APBA1: variants seen among roughly 807,000 people sequenced by gnomAD.
APBA1 encodes amyloid beta precursor protein binding family A member 1, also known as amyloid-beta A4 precursor protein-binding family A member 1.
APBA1 carries 55 observed loss-of-function variants against 86.6 expected under a neutral mutation model. The ratio of observed to expected loss-of-function variants is 0.64; its 90% CI spans 0.51 to 0.80. The LOEUF (loss-of-function observed/expected upper bound fraction) is 0.80, where lower values mean the gene tolerates loss of function less well. Ranked by LOEUF, APBA1 falls within the 30% of genes least tolerant of loss-of-function variation. APBA1 has a pLI of 0.00. For synonymous variants in APBA1, 511 were observed against 493.9 expected, an observed-to-expected ratio of 1.03 and a Z score of -0.46; for missense variants, 1,090 against 1,183.0, an observed-to-expected ratio of 0.92 and a Z score of 1.15.
chr9:69,540,846 C>T (rs1049506330), intron 1 of APBA1, among the ~76,000 whole-genome samples: 1 of 152,204 alleles, frequency 6.6e-6, no homozygotes, highest in Non-Finnish European at 1.5e-5. Flanking sequence ...CTCAAGAAAT[C>T]CTCCCAACTT....
chr9:69,496,368 G>A (rs1315886958), intron 2 of APBA1, among the ~76,000 whole-genome samples: 1 of 152,100 alleles, frequency 6.6e-6, no homozygotes, highest in African/African-American at 2.4e-5. Context: ...ATTGGCTAAT[G>A]TGCTATGATA....
At position 69,516,375 on chromosome 9, in the gene APBA1, TGC is replaced by T. The variant is rs748940969; in HGVS notation, c.834_835del (p.Gln279GlufsTer16). On this transcript the variant is annotated frameshift_variant, in exon 2 of 13. Transcript: ENST00000265381. LOFTEE classifies it high-confidence loss of function. The surrounding 1 kb of genome is among the most constrained non-coding windows in gnomAD (Gnocchi z 7.3). ...GTCGAGGCTCTGCGAGCTCATGCTC[TGC>T]TTCACCTCGGCCACTATCTGGTCGA... The T allele has an allele frequency of 6.2e-7, 1 of 1,602,612 alleles. No homozygotes were observed. Among genetic ancestry groups the T allele is most frequent in the African/African-American group, 1.3e-5 (1 of 74,872 alleles).
intron 1 of APBA1, among the ~76,000 whole-genome samples, chr9:69,670,522 C>G (rs151322982): frequency 6.9e-4 from 105 of 152,160 alleles, no homozygotes; most frequent in African/African-American, 2.0e-3. Context: ...AAAGAAGTGT[C>G]GAGATATTAA....
Position 69,526,402 on chromosome 9 carries a change from C to T in APBA1, c.-69-9123G>A, listed in dbSNP as rs76507716. Among the ~76,000 whole-genome samples, 56 of 151,890 alleles carry T rather than the reference C, an allele frequency of 3.7e-4. 3 individuals are homozygous for T. In the East Asian group the frequency reaches 0.01, roughly 27 times the overall value. On this transcript the variant is annotated intron_variant, in intron 1 of 12. Coordinates refer to ENST00000265381, the MANE Select transcript of APBA1 (RefSeq NM_001163.4). ...CAAAAACCAAATAACCCCATTAAAA[C>T]GAGGAAAAGACATGAACAAACACTT...
intron 11 of APBA1, among the ~76,000 whole-genome samples, chr9:69,439,475 A>G (rs1281040623): frequency 1.3e-5 from 2 of 150,070 alleles, no homozygotes; most frequent in Admixed American, 1.3e-4. Flanking sequence ...CTTTGTTCCT[A>G]TCTATCTATC....
chr9:69,458,119 G>A, intron 6 of APBA1, 37 bp downstream of exon 6: 1 of 1,575,334 alleles, frequency 6.3e-7, no homozygotes, highest in Non-Finnish European at 8.6e-7. Flanking sequence ...AAAAGAACAG[G>A]CATAACACCA....
intron 1 of APBA1, among the ~76,000 whole-genome samples, chr9:69,548,242 A>G (rs1328363533): frequency 2.0e-5 from 3 of 152,182 alleles, no homozygotes; most frequent in African/African-American, 4.8e-5. Context: ...ATGGAAATGG[A>G]AACTTCAGTC....
At chr9:69,536,245 C>A (rs1836508151) in intron 1 of APBA1, among the ~76,000 whole-genome samples, 2 of 149,540 alleles carry the variant, frequency 1.3e-5, no homozygotes, top group South Asian at 4.3e-4. Flanking sequence ...TTATATGGAA[C>A]CCCTAAAACT....
At chr9:69,649,338 G>A (rs548334116) in intron 1 of APBA1, among the ~76,000 whole-genome samples, 1 of 152,204 alleles carries the variant, frequency 6.6e-6, no homozygotes, top group South Asian at 2.1e-4. Context: ...AAATCCCTAA[G>A]GCAGCCTGGA....
chr9:69,548,343 G>A (rs749146882), intron 1 of APBA1, among the ~76,000 whole-genome samples: 2 of 152,160 alleles, frequency 1.3e-5, no homozygotes, highest in African/African-American at 4.8e-5. Flanking sequence ...GAGCCCTGCC[G>A]ACGCTTTGCT....
chr9:69,456,579 G>T, intron 7 of APBA1, 147 bp from the exon 8 acceptor site: 2 of 774,488 alleles, frequency 2.6e-6, no homozygotes, highest in Non-Finnish European at 4.0e-6. Context: ...GGGATCAACG[G>T]ATACCCACCC....
chr9:69,476,264 G>T, intron 2 of APBA1, 121 bp from the exon 3 acceptor site: 1 of 644,620 alleles, frequency 1.6e-6, no homozygotes, highest in Non-Finnish European at 2.7e-6. Flanking sequence ...ACTGCAGTGG[G>T]GAGAAAACCT....
intron 1 of APBA1, among the ~76,000 whole-genome samples, chr9:69,520,533 G>A (rs979600379): frequency 1.3e-5 from 2 of 152,156 alleles, no homozygotes; most frequent in Middle Eastern, 3.2e-3. Flanking sequence ...GTACTGATAA[G>A]TACAATGCTA....
At chr9:69,492,205 C>T (rs1835724976) in intron 2 of APBA1, among the ~76,000 whole-genome samples, 1 of 152,074 alleles carries the variant, frequency 6.6e-6, no homozygotes, top group African/African-American at 2.4e-5. Flanking sequence ...AGCCTGGGCA[C>T]GTCATCCATC....
At chr9:69,646,616 C>T (rs1449156428) in intron 1 of APBA1, among the ~76,000 whole-genome samples, 1 of 152,132 alleles carries the variant, frequency 6.6e-6, no homozygotes, top group Non-Finnish European at 1.5e-5. Context: ...CTCTGTCTGC[C>T]CACAGAAGGG....
intron 10 of APBA1, among the ~76,000 whole-genome samples, chr9:69,443,582 T>C (rs1834859815): frequency 1.3e-5 from 2 of 152,182 alleles, no homozygotes; most frequent in Admixed American, 6.5e-5. Context: ...ATGAAACTAA[T>C]TGAACCAAAA....
At chr9:69,643,019 AACACACAC>A (rs369247145) in intron 1 of APBA1, among the ~76,000 whole-genome samples, 5 of 141,516 alleles carry the variant, frequency 3.5e-5, no homozygotes, top group African/African-American at 1.0e-4. Context: ...CCCCGCCACA[AACACACAC>A]ACACACACAC....
At chr9:69,626,782 C>T (rs1233043172) in intron 1 of APBA1, among the ~76,000 whole-genome samples, 1 of 151,944 alleles carries the variant, frequency 6.6e-6, no homozygotes, top group Non-Finnish European at 1.5e-5. Flanking sequence ...TGTCCTAAGG[C>T]ACATTGCTAT....
At position 69,517,031 on chromosome 9, in the gene APBA1, G is replaced by A. The variant is rs1024929620; in HGVS notation, c.180C>T (p.Leu60=). Reference sequence around the variant, plus strand: ...CTTCCTCCTGGCCGAGCTGGGCGCGGAGGTCCTCGAGGGCTCGCCCGCGCT... The same window carrying A: ...CTTCCTCCTGGCCGAGCTGGGCGCGAAGGTCCTCGAGGGCTCGCCCGCGCT... The part of the protein sequence containing the change: ...RHQRGRALED[L]RAQLGQEEEE... Residue 60 remains leucine, a synonymous_variant, in exon 2 of 13, where the codon CTC becomes CTT. Coordinates refer to ENST00000265381, the MANE Select transcript of APBA1 (RefSeq NM_001163.4). 1.3e-6 allele frequency: 2 copies of A among 1,579,042 alleles called. No individual in the cohort carries two copies. Among genetic ancestry groups the A allele is most frequent in the Non-Finnish European group, 8.6e-7 (1 of 1,169,294 alleles).
Sources: gnomAD v4.1 joint callset for allele counts (sites outside exome capture counted in the v4.1 genomes callset) on GRCh38, gnomAD v4.1.1 for gene constraint, Gnocchi (gnomAD v3.1) non-coding constraint, MANE v1.5 for transcripts, NCBI Gene and HGNC (gene_info 2026-07-23, HGNC 2026-07-21) for gene names.